Variants in PRKCB observed in about 807,000 individuals in gnomAD.
PRKCB encodes the protein protein kinase C beta, also known as protein kinase C beta type.
Under a neutral mutation model 81.5 loss-of-function variants are expected in PRKCB, and 13 were observed. The ratio of observed to expected loss-of-function variants is 0.16; its 90% CI spans 0.10 to 0.25. PRKCB has a LOEUF of 0.25. Ranked by LOEUF, PRKCB falls within the 10% of genes least tolerant of loss-of-function variation. PRKCB has a pLI of 1.00. For synonymous variants in PRKCB, 335 were observed against 321.4 expected (o/e 1.04, Z -0.45); for missense variants, 509 against 875.7 (o/e 0.58, Z 5.29).
In PRKCB at chr16:23,919,821, G is replaced by A. The variant is rs187769672; in HGVS notation, c.206-68687G>A. On this transcript the variant is annotated intron_variant, in intron 2 of 16. Coordinates refer to ENST00000643927, the MANE Select transcript of PRKCB (RefSeq NM_002738.7). ...TATCAAGGTTGATCCACATTGTTGC[G>A]TGTGTCAGAAGTTCCCTTCTCTTTT... is the stretch of plus-strand genomic sequence containing the variant. 2.2e-3 allele frequency among the ~76,000 whole-genome samples: 335 copies of A among 152,266 alleles called. 1 individual carries two copies. Among genetic ancestry groups the A allele is most frequent in the Non-Finnish European group, 3.8e-3 (260 of 67,998 alleles).
intron 2 of PRKCB, among the ~76,000 whole-genome samples, chr16:23,862,703 G>T (rs1459117072): frequency 1.3e-5 from 2 of 152,084 alleles, no homozygotes; most frequent in African/African-American, 2.4e-5. Context: ...TCTAACACAT[G>T]GGAAAACTAA....
rs142952654 is a variant in PRKCB, at chr16:24,190,188, T to C, written c.1723-902T>C. On this transcript the variant is annotated intron_variant, in intron 15 of 16. Transcript: ENST00000643927. ...TGTGTAATGTATGATACAAGGGAAATGAGCTGGGCTAGGTTTTGACTATTT... is the reference window on the plus strand; with the variant it reads ...TGTGTAATGTATGATACAAGGGAAACGAGCTGGGCTAGGTTTTGACTATTT... Among the ~76,000 whole-genome samples, 224 of 152,302 alleles carry C rather than the reference T, an allele frequency of 1.5e-3. 1 individual carries two copies. Among genetic ancestry groups the C allele is most frequent in the African/African-American group, 5.3e-3 (219 of 41,572 alleles).
intron 2 of PRKCB, among the ~76,000 whole-genome samples, chr16:23,894,527 T>C (rs1963342878): frequency 6.6e-6 from 1 of 152,180 alleles, no homozygotes; most frequent in African/African-American, 2.4e-5. Context: ...AAAATAATAT[T>C]ATTGCTTTTG....
At chr16:23,944,496 C>T (rs1964180132) in intron 2 of PRKCB, among the ~76,000 whole-genome samples, 1 of 152,164 alleles carries the variant, frequency 6.6e-6, no homozygotes, top group South Asian at 2.1e-4. Flanking sequence ...GGCATTTTAG[C>T]CCCTCTGGGA....
At position 24,217,002 on chromosome 16, in the gene PRKCB, G is replaced by A. The variant is rs145450586; in HGVS notation, c.*2186G>A. ...CCCATTTTGCTTGGACATGCTCTCA[G>A]GAAGATAAAAACCATGGAGAAACAC... On this transcript the variant is annotated 3_prime_UTR_variant, in exon 17 of 17. Coordinates refer to ENST00000643927, the MANE Select transcript of PRKCB (RefSeq NM_002738.7). The A allele has an allele frequency of 2.2e-5, 22 of 985,086 alleles. No homozygotes were observed. In the East Asian group the frequency reaches 1.6e-3, roughly 71 times the overall value. 61.0% of individuals were successfully genotyped at this position (985,086 alleles called of 1,614,324 possible).
At chr16:24,047,996 C>T (rs150482435) in intron 5 of PRKCB, among the ~76,000 whole-genome samples, 6 of 152,314 alleles carry the variant, frequency 3.9e-5, no homozygotes, top group African/African-American at 1.4e-4. Flanking sequence ...CAGTGGCTGA[C>T]GCTTACTGAG....
intron 16 of PRKCB, among the ~76,000 whole-genome samples, chr16:24,214,047 G>C (rs141914293): frequency 3.9e-4 from 60 of 152,312 alleles, no homozygotes; most frequent in Non-Finnish European, 7.8e-4. Flanking sequence ...CTAACCAGGG[G>C]CCTCGTGGTT....
At chr16:24,198,011 C>T (rs74013161) in intron 16 of PRKCB, among the ~76,000 whole-genome samples, 25,811 of 152,154 alleles carry the variant, frequency 0.17, 2,376 homozygotes, top group East Asian at 0.26. Flanking sequence ...TGGACTTCCT[C>T]CTGTCCATCC....
At chr16:24,150,843 C>T (rs1362177928) in intron 9 of PRKCB, among the ~76,000 whole-genome samples, 1 of 152,140 alleles carries the variant, frequency 6.6e-6, no homozygotes, top group Non-Finnish European at 1.5e-5. Context: ...GAATTCAGTT[C>T]GCTTCTATGT....
intron 15 of PRKCB, 109 bp from the exon 16 acceptor site, chr16:24,190,981 A>G: frequency 5.5e-4 from 577 of 1,041,406 alleles, no homozygotes; most frequent in Non-Finnish European, 7.4e-4. Context: ...ATGAGTTGAG[A>G]TTCTTCATTT....
At chr16:24,195,380 A>G (rs1047244229) in intron 16 of PRKCB, among the ~76,000 whole-genome samples, 1 of 152,148 alleles carries the variant, frequency 6.6e-6, no homozygotes, top group African/African-American at 2.4e-5. Flanking sequence ...GAGCGTGTGC[A>G]GAGTTCCATG....
intron 2 of PRKCB, among the ~76,000 whole-genome samples, chr16:23,944,432 T>A (rs1170253467): frequency 1.3e-5 from 2 of 152,338 alleles, no homozygotes; most frequent in East Asian, 3.9e-4. Flanking sequence ...TTATTCACCC[T>A]GCTGTGGGGG....
intron 2 of PRKCB, among the ~76,000 whole-genome samples, chr16:23,980,657 A>G (rs1204862320): frequency 6.6e-6 from 1 of 152,126 alleles, no homozygotes; most frequent in Non-Finnish European, 1.5e-5. Context: ...TTCTCCTACC[A>G]CAGATATCTG....
At chr16:23,929,485 A>G (rs1182030525) in intron 2 of PRKCB, among the ~76,000 whole-genome samples, 2 of 152,084 alleles carry the variant, frequency 1.3e-5, no homozygotes, top group African/African-American at 4.8e-5. Context: ...GAAATACCTC[A>G]TAGAGGGTTG....
rs28516634 is a variant in PRKCB, at chr16:23,917,329, T to C, written c.206-71179T>C. ...AACTCCTGACTTCAGATGATCCACC[T>C]GCCTCCCAAAGGGTTGGGATTACTG... On this transcript the variant is annotated intron_variant, in intron 2 of 16. Transcript: ENST00000643927. Among the ~76,000 whole-genome samples the C allele has an allele frequency of 5.3e-3, 814 of 152,296 alleles. 9 individuals are homozygous for C. Among genetic ancestry groups the C allele is most frequent in the African/African-American group, 0.018 (749 of 41,570 alleles).
intron 16 of PRKCB, among the ~76,000 whole-genome samples, chr16:24,199,566 A>G (rs1967926204): frequency 6.6e-6 from 1 of 152,214 alleles, no homozygotes; most frequent in African/African-American, 2.4e-5. Flanking sequence ...TAACTCCCCC[A>G]AAGTATCAAA....
At chr16:23,934,730 G>A (rs1350532523) in intron 2 of PRKCB, among the ~76,000 whole-genome samples, 2 of 152,144 alleles carry the variant, frequency 1.3e-5, no homozygotes, top group African/African-American at 2.4e-5. Flanking sequence ...GGTGATGGGG[G>A]CACTAGAGGG....
chr16:23,861,361 G>T (rs1393409625), intron 2 of PRKCB, among the ~76,000 whole-genome samples: 3 of 151,990 alleles, frequency 2.0e-5, no homozygotes, highest in South Asian at 2.1e-4. Context: ...TAGAAACAGG[G>T]TCTCACTGTG....
At chr16:23,949,851 C>T (rs930565888) in intron 2 of PRKCB, among the ~76,000 whole-genome samples, 3 of 152,174 alleles carry the variant, frequency 2.0e-5, no homozygotes, top group Admixed American at 1.3e-4. Flanking sequence ...AAATTAATTG[C>T]CTGAGGTCTC....
Sources: allele counts gnomAD v4.1 joint callset (sites outside exome capture counted in the v4.1 genomes callset), GRCh38; gene constraint gnomAD v4.1.1; transcripts MANE v1.5; gene names NCBI Gene and HGNC (gene_info 2026-07-23, HGNC 2026-07-21).